CSMD3: variants seen among roughly 807,000 people sequenced by gnomAD.
The protein encoded by CSMD3 is CUB and sushi domain-containing protein 3.
In CSMD3, 177 loss-of-function variants were observed where a neutral mutation model predicts 435.2. The ratio of observed to expected loss-of-function variants is 0.41; its 90% CI spans 0.36 to 0.46. The LOEUF (loss-of-function observed/expected upper bound fraction) is 0.46, where lower values mean the gene tolerates loss of function less well. Ranked by LOEUF, CSMD3 falls within the 20% of genes least tolerant of loss-of-function variation. The pLI, the probability that CSMD3 is intolerant of heterozygous loss-of-function variation, is 0.34. For missense variants in CSMD3, 4,265 were observed against 4,504.6 expected, an observed-to-expected ratio of 0.95 and a Z score of 1.52; for synonymous variants, 1,656 against 1,520.5, an observed-to-expected ratio of 1.09 and a Z score of -2.07.
At chr8:113,250,862 G>C (rs1208051600) in intron 3 of CSMD3, among the ~76,000 whole-genome samples, 3 of 152,040 alleles carry the variant, frequency 2.0e-5, no homozygotes, top group Non-Finnish European at 4.4e-5. Flanking sequence ...TAAGAGACTG[G>C]TTTCTAGCCA....
At position 112,639,484 on chromosome 8, in the gene CSMD3, T is replaced by C. The variant is rs142679606; in HGVS notation, c.3311-573A>G. On this transcript the variant is annotated intron_variant, in intron 20 of 70. Transcript: ENST00000297405. ...ATGTATATATAAGTGTTCAGGTCAA[T>C]AGTTTTCACAAATCGGACACCTTTG... Among the ~76,000 whole-genome samples, 4 of 152,268 alleles carry C rather than the reference T, an allele frequency of 2.6e-5. No individual in the cohort carries two copies. The East Asian group carries it at 5.8e-4, about 22-fold the overall frequency.
intron 2 of CSMD3, among the ~76,000 whole-genome samples, chr8:113,306,450 A>AAATAAAACT (rs1298709453): frequency 6.6e-6 from 1 of 152,146 alleles, no homozygotes; most frequent in African/African-American, 2.4e-5. Context: ...CACTGACATA[A>AAATAAAACT]AATAAAACTA....
chr8:112,366,078 C>T (rs375675070), intron 38 of CSMD3, among the ~76,000 whole-genome samples: 24 of 152,234 alleles, frequency 1.6e-4, no homozygotes, highest in African/African-American at 5.8e-4. Flanking sequence ...CAGTACAATC[C>T]TGAAGACAAA....
intron 4 of CSMD3, among the ~76,000 whole-genome samples, chr8:113,120,961 C>T (rs865838229): frequency 3.9e-5 from 6 of 152,176 alleles, no homozygotes; most frequent in Non-Finnish European, 8.8e-5. Context: ...ACAATGCTTA[C>T]GTTTTTCTAA....
intron 10 of CSMD3, among the ~76,000 whole-genome samples, chr8:112,895,659 A>C (rs1400551355): frequency 1.3e-5 from 2 of 151,418 alleles, no homozygotes; most frequent in Non-Finnish European, 1.5e-5. Flanking sequence ...TGAACAGAAA[A>C]GATTTTTCCC....
Position 112,558,433 on chromosome 8 carries a change from T to C in CSMD3, c.4043-1479A>G, listed in dbSNP as rs545189886. 3.9e-5 allele frequency among the ~76,000 whole-genome samples: 6 copies of C among 152,066 alleles called. No individual in the cohort carries two copies. In the South Asian group the frequency reaches 1.0e-3, roughly 26 times the overall value. On this transcript the variant is annotated intron_variant, in intron 24 of 70. Transcript: ENST00000297405. ...TATTACTGATAGATTATACCTTTTA[T>C]GTCCAATTACATTTCTACGTAGCTG... is the stretch of plus-strand genomic sequence containing the variant.
chr8:112,361,034 T>C (rs1196639522), intron 38 of CSMD3, among the ~76,000 whole-genome samples: 1 of 151,996 alleles, frequency 6.6e-6, no homozygotes, highest in African/African-American at 2.4e-5. Context: ...CACCTCTTTA[T>C]AAGTGACAAA....
chr8:113,324,983 G>A (rs2093974103), intron 1 of CSMD3, among the ~76,000 whole-genome samples: 1 of 152,202 alleles, frequency 6.6e-6, no homozygotes, highest in Non-Finnish European at 1.5e-5. Context: ...CATGGGGCCT[G>A]CAGCCCCTTT....
intron 2 of CSMD3, among the ~76,000 whole-genome samples, chr8:113,287,810 T>C (rs1270537931): frequency 6.6e-6 from 1 of 152,010 alleles, no homozygotes; most frequent in African/African-American, 2.4e-5. Flanking sequence ...ACTGAGCTTA[T>C]CACTGGTATT....
At chr8:112,406,401 C>G in intron 35 of CSMD3, 123 bp downstream of exon 35, 1 of 545,378 alleles carries the variant, frequency 1.8e-6, no homozygotes, top group Non-Finnish European at 3.1e-6. Flanking sequence ...ATAAAGCATA[C>G]TTATTAAATT....
intron 23 of CSMD3, among the ~76,000 whole-genome samples, chr8:112,576,930 T>C (rs1011214207): frequency 2.0e-5 from 3 of 151,868 alleles, no homozygotes; most frequent in Admixed American, 6.6e-5. Flanking sequence ...GAGCTAGTAC[T>C]TTCAGGAAAG....
In CSMD3 at chr8:112,701,167, A is replaced by C. The variant is rs201423433; in HGVS notation, c.1973-11117T>G. On this transcript the variant is annotated intron_variant, in intron 13 of 70. Coordinates refer to ENST00000297405, the MANE Select transcript of CSMD3 (RefSeq NM_198123.2). ...TGTTTTCTAGAGAATTAAAGCTAAT[A>C]CAAGTGAGTGACGACTGGCAAACAA... Among the ~76,000 whole-genome samples, 15 of 152,314 alleles carry C rather than the reference A, an allele frequency of 9.8e-5. No homozygotes were observed. The East Asian group carries it at 2.7e-3, about 28-fold the overall frequency.
At chr8:113,059,193 G>T (rs1174711734) in intron 5 of CSMD3, among the ~76,000 whole-genome samples, 2 of 152,146 alleles carry the variant, frequency 1.3e-5, no homozygotes, top group African/African-American at 4.8e-5. Context: ...AAAGCAATTT[G>T]GATGATTTTA....
chr8:113,041,618 G>A (rs917932246), intron 5 of CSMD3, among the ~76,000 whole-genome samples: 11 of 151,754 alleles, frequency 7.2e-5, no homozygotes, highest in African/African-American at 2.7e-4. Flanking sequence ...ATTATCAACT[G>A]GTATGAGTTA....
At chr8:113,154,567 G>T (rs1254836038) in intron 4 of CSMD3, among the ~76,000 whole-genome samples, 1 of 151,990 alleles carries the variant, frequency 6.6e-6, no homozygotes, top group Admixed American at 6.6e-5. Flanking sequence ...TTACAGTAGA[G>T]CTGCCTATGT....
At chr8:112,533,397 T>C (rs1825730848) in intron 27 of CSMD3, among the ~76,000 whole-genome samples, 1 of 151,816 alleles carries the variant, frequency 6.6e-6, no homozygotes, top group Non-Finnish European at 1.5e-5. Context: ...TATAAGGACA[T>C]GCATATACTG....
chr8:113,131,454 G>A (rs2091281855), intron 4 of CSMD3, among the ~76,000 whole-genome samples: 3 of 152,062 alleles, frequency 2.0e-5, no homozygotes, highest in African/African-American at 4.8e-5. Flanking sequence ...TTGCTTCAGA[G>A]GGTGGAAGCC....
intron 6 of CSMD3, among the ~76,000 whole-genome samples, chr8:112,990,990 T>C (rs908243974): frequency 6.6e-6 from 1 of 151,772 alleles, no homozygotes; most frequent in Non-Finnish European, 1.5e-5. Context: ...TTCCTAAATG[T>C]GATTACCTCG....
chr8:112,237,071 C>G, intron 67 of CSMD3, 119 bp downstream of exon 67: 1 of 1,198,284 alleles, frequency 8.3e-7, no homozygotes, highest in Non-Finnish European at 1.2e-6. Context: ...TGAATGTCAT[C>G]AAAAGCAAAT....
Sources: allele counts gnomAD v4.1 joint callset (sites outside exome capture counted in the v4.1 genomes callset), GRCh38; gene constraint gnomAD v4.1.1; transcripts MANE v1.5; gene names NCBI Gene and HGNC (gene_info 2026-07-23, HGNC 2026-07-21).